The following PTPRD variants were observed in gnomAD, a reference collection of about 807,000 sequenced individuals.
PTPRD encodes receptor-type tyrosine-protein phosphatase delta.
Under a neutral mutation model 214.5 loss-of-function variants are expected in PTPRD, and 34 were observed. The ratio of observed to expected loss-of-function variants is 0.16; its 90% CI spans 0.12 to 0.21. The LOEUF (loss-of-function observed/expected upper bound fraction) is 0.21, where lower values mean the gene tolerates loss of function less well. Ranked by LOEUF, PTPRD falls within the 10% of genes least tolerant of loss-of-function variation. The probability of loss-of-function intolerance (pLI) is 1.00; values close to 1 mark genes in which losing one functional copy is unlikely to be tolerated. For missense variants in PTPRD, 2,545 were observed against 2,398.7 expected, an observed-to-expected ratio of 1.06 and a Z score of -1.27; for synonymous variants, 1,128 against 845.7, an observed-to-expected ratio of 1.33 and a Z score of -5.79.
intron 12 of PTPRD, among the ~76,000 whole-genome samples, chr9:8,655,243 G>A (rs1056127065): frequency 6.6e-6 from 1 of 152,106 alleles, no homozygotes; most frequent in Non-Finnish European, 1.5e-5. Flanking sequence ...CTTCTCTAAG[G>A]CACCTAAATA....
At chr9:8,993,375 T>C (rs1290085570) in intron 11 of PTPRD, among the ~76,000 whole-genome samples, 2 of 152,158 alleles carry the variant, frequency 1.3e-5, no homozygotes, top group Admixed American at 6.6e-5. Context: ...TAAGGATGTA[T>C]ACAGCAAACT....
chr9:8,527,403 T>G (rs902545926), intron 15 of PTPRD, 50 bp from the exon 16 acceptor site: 3 of 1,554,180 alleles, frequency 1.9e-6, no homozygotes, highest in Non-Finnish European at 2.6e-6. Flanking sequence ...AATATTATTA[T>G]ATTCCTTATA....
At chr9:9,841,197 G>A (rs1051924218) in intron 5 of PTPRD, among the ~76,000 whole-genome samples, 8 of 152,144 alleles carry the variant, frequency 5.3e-5, no homozygotes, top group African/African-American at 9.7e-5. Context: ...CTGGGGGATA[G>A]GAGTAGTGGT....
intron 11 of PTPRD, among the ~76,000 whole-genome samples, chr9:8,870,514 A>T (rs2098276715): frequency 6.6e-6 from 1 of 152,090 alleles, no homozygotes; most frequent in African/African-American, 2.4e-5. Context: ...AAACTTTCCA[A>T]ATTCTTTTGG....
intron 3 of PTPRD, among the ~76,000 whole-genome samples, chr9:10,083,516 T>C (rs116806594): frequency 6.6e-6 from 1 of 152,068 alleles, no homozygotes; most frequent in Non-Finnish European, 1.5e-5. Context: ...AGCAAATTCA[T>C]GTCTATAAAA....
intron 5 of PTPRD, among the ~76,000 whole-genome samples, chr9:9,832,534 AC>A (rs2055235262): frequency 6.6e-6 from 1 of 151,988 alleles, no homozygotes; most frequent in Non-Finnish European, 1.5e-5. Context: ...CCCTCATCCG[AC>A]AAAAATGTGG....
chr9:10,307,604 T>C (rs2096123666), intron 3 of PTPRD, among the ~76,000 whole-genome samples: 2 of 152,142 alleles, frequency 1.3e-5, no homozygotes, highest in Admixed American at 1.3e-4. Flanking sequence ...GTTCTATTTT[T>C]AGTTATTGTT....
intron 37 of PTPRD, among the ~76,000 whole-genome samples, chr9:8,381,418 A>G (rs1252068349): frequency 2.0e-5 from 3 of 152,204 alleles, no homozygotes; most frequent in African/African-American, 7.2e-5. Context: ...ATTTTCCACG[A>G]TAAGGACAGA....
At chr9:9,247,903 T>G (rs2099973788) in intron 9 of PTPRD, among the ~76,000 whole-genome samples, 1 of 152,126 alleles carries the variant, frequency 6.6e-6, no homozygotes, top group African/African-American at 2.4e-5. Context: ...GCTATCTCAC[T>G]TATTACTCTC....
chr9:9,981,744 T>G (rs1306485616), intron 4 of PTPRD, among the ~76,000 whole-genome samples: 1 of 152,232 alleles, frequency 6.6e-6, no homozygotes, highest in East Asian at 1.9e-4. Flanking sequence ...TGATCAGGAA[T>G]GTGGAGATAA....
At chr9:9,613,023 T>C (rs112477122) in intron 7 of PTPRD, among the ~76,000 whole-genome samples, 5,692 of 150,704 alleles carry the variant, frequency 0.038, 321 homozygotes, top group African/African-American at 0.12. Context: ...AAAATATAGA[T>C]TTAGGGTAGG....
chr9:8,862,853 G>A (rs568123479), intron 11 of PTPRD, among the ~76,000 whole-genome samples: 3 of 152,124 alleles, frequency 2.0e-5, no homozygotes, highest in Non-Finnish European at 4.4e-5. Flanking sequence ...CTCACTCATA[G>A]GTGGGAATTG....
chr9:9,752,899 T>C (rs2098535068), intron 6 of PTPRD, among the ~76,000 whole-genome samples: 1 of 152,052 alleles, frequency 6.6e-6, no homozygotes, highest in Non-Finnish European at 1.5e-5. Context: ...ACACACAGCA[T>C]ACTTTGCTTG....
intron 11 of PTPRD, among the ~76,000 whole-genome samples, chr9:8,923,280 G>T (rs948377793): frequency 6.6e-6 from 1 of 151,964 alleles, no homozygotes; most frequent in Non-Finnish European, 1.5e-5. Context: ...GACCTTAGGT[G>T]ATCCGCCTGC....
chr9:9,723,902 T>C (rs866082395), intron 7 of PTPRD, among the ~76,000 whole-genome samples: 3 of 152,192 alleles, frequency 2.0e-5, no homozygotes, highest in Middle Eastern at 3.4e-3. Flanking sequence ...CTGATATATA[T>C]TTAAGTAGAT....
At position 8,337,974 on chromosome 9, in the gene PTPRD, C is replaced by T. The variant is rs142477984; in HGVS notation, c.5379+948G>A. 4.4e-3 allele frequency among the ~76,000 whole-genome samples: 665 copies of T among 151,814 alleles called. 2 individuals carry two copies. The highest frequency in any genetic ancestry group is 0.015 in the African/African-American group (622 of 41,414). On this transcript the variant is annotated intron_variant, in intron 43 of 45. Coordinates refer to ENST00000381196, the MANE Select transcript of PTPRD (RefSeq NM_002839.4). ...CCTTCAGAATAGTTAATATAACTTT[C>T]TGGGATTAACAGGTCTGTCACCTAG...
At position 9,755,124 on chromosome 9, in the gene PTPRD, C is replaced by T. The variant is rs182852271; in HGVS notation, c.-326+11686G>A. Among the ~76,000 whole-genome samples, 6 of 151,960 alleles carry T rather than the reference C, an allele frequency of 3.9e-5. No homozygotes were observed. In the East Asian group the frequency reaches 1.2e-3, roughly 29 times the overall value. Reference sequence around the variant, plus strand: ...TATTAAACAAGATCTCCAGATGATTCCTATAATCACTCAGGTTTGAGAACC... The same window carrying T: ...TATTAAACAAGATCTCCAGATGATTTCTATAATCACTCAGGTTTGAGAACC... On this transcript the variant is annotated intron_variant, in intron 6 of 45. Transcript: ENST00000381196.
intron 5 of PTPRD, among the ~76,000 whole-genome samples, chr9:9,915,647 T>G (rs997220352): frequency 2.0e-5 from 3 of 150,384 alleles, no homozygotes; most frequent in African/African-American, 4.9e-5. Context: ...AAGAAACAAA[T>G]TTCTGACCTT....
intron 14 of PTPRD, among the ~76,000 whole-genome samples, chr9:8,561,267 C>G (rs138725499): frequency 6.6e-6 from 1 of 152,194 alleles, no homozygotes; most frequent in Non-Finnish European, 1.5e-5. Flanking sequence ...ACTCCTCATT[C>G]TGAGTCCATA....
Sources: allele counts gnomAD v4.1 joint callset (sites outside exome capture counted in the v4.1 genomes callset), GRCh38; gene constraint gnomAD v4.1.1; transcripts MANE v1.5; gene names NCBI Gene and HGNC (gene_info 2026-07-23, HGNC 2026-07-21).